The following BDP1 variants were observed in gnomAD, a reference collection of about 807,000 sequenced individuals.
BDP1 encodes BDP1 general transcription factor IIIB subunit, also known as transcription factor TFIIIB component B'' homolog.
In BDP1, 169 loss-of-function variants were observed where a neutral mutation model predicts 266.6. The observed-to-expected ratio is 0.63, with a 90% CI of 0.56 to 0.72. The LOEUF (loss-of-function observed/expected upper bound fraction) is 0.72, where lower values mean the gene tolerates loss of function less well. BDP1 is among the 30% of genes least tolerant of loss of function. BDP1 has a pLI of 0.00. For missense variants in BDP1, 3,015 were observed against 3,053.8 expected, an observed-to-expected ratio of 0.99 and a Z score of 0.30; for synonymous variants, 1,090 against 1,022.4, an observed-to-expected ratio of 1.07 and a Z score of -1.26.
At position 71,524,385 on chromosome 5, in the gene BDP1, T is replaced by C. The variant is rs114503830; in HGVS notation, c.5772+62T>C. On this transcript the variant is annotated intron_variant, in intron 25 of 38. Coordinates refer to ENST00000358731, the MANE Select transcript of BDP1 (RefSeq NM_018429.3). ...ACTTGGTTTTCACCTCTTGTTTCTT[T>C]TAGGGGATCATTATTTCTTCTCGTA... 2.0e-3 allele frequency: 2,902 copies of C among 1,437,516 alleles called. 40 individuals carry two copies. The African/African-American group carries it at 0.035, about 17-fold the overall frequency. The allele number at this position is 1,437,516 out of a possible 1,614,324, so 89.0% of individuals were successfully genotyped here. A position where few individuals can be genotyped will look rare whatever the true frequency, so the allele number is the denominator to read the frequency against.
At chr5:71,491,666 A>G (rs538087048) in intron 11 of BDP1, among the ~76,000 whole-genome samples, 1 of 151,872 alleles carries the variant, frequency 6.6e-6, no homozygotes, top group East Asian at 1.9e-4. Context: ...AGCAACTCCT[A>G]TTTCCTCCGC....
Position 71,513,414 on chromosome 5 carries a change from G to A in BDP1, c.4470+7G>A. On this transcript the variant is annotated splice_region_variant and intron_variant, in intron 19 of 38. Transcript: ENST00000358731. ...TACTCTCCCTTCTCAACATGTGAGT[G>A]TATTTGAGATGGAAGTTCTGTGTGG... 2 of 1,473,386 alleles carry A rather than the reference G, an allele frequency of 1.4e-6. No individual in the cohort carries two copies. The highest frequency in any genetic ancestry group is 1.8e-6 in the Non-Finnish European group (2 of 1,090,164). 91.3% of individuals were successfully genotyped at this position (1,473,386 alleles called of 1,614,324 possible).
chr5:71,533,431 C>T (rs1403310484), intron 26 of BDP1, among the ~76,000 whole-genome samples: 2 of 151,010 alleles, frequency 1.3e-5, no homozygotes, highest in Admixed American at 1.3e-4. Flanking sequence ...ATGTCCTTGC[C>T]GGCACTTGTT....
chr5:71,532,864 A>G (rs971652925), intron 26 of BDP1, among the ~76,000 whole-genome samples: 4 of 152,204 alleles, frequency 2.6e-5, no homozygotes, highest in Middle Eastern at 3.2e-3. Context: ...TCGTGCAAAC[A>G]TTATCACAGT....
intron 3 of BDP1, 140 bp downstream of exon 3, chr5:71,462,066 G>A: frequency 3.5e-6 from 2 of 575,194 alleles, no homozygotes; most frequent in Non-Finnish European, 6.3e-6. Flanking sequence ...AGGTTCAAGC[G>A]ATTCTCCTGC....
rs753422680 is a variant in BDP1, at chr5:71,495,422, A to G, written c.1799+14A>G. ...AAATAATTCACTGTAAGTATTTTAT[A>G]CGATAGGATTTATTTATAAAATTTT... On this transcript the variant is annotated intron_variant, in intron 12 of 38. Coordinates refer to ENST00000358731, the MANE Select transcript of BDP1 (RefSeq NM_018429.3). 2 of 1,527,132 alleles carry G rather than the reference A, an allele frequency of 1.3e-6. No homozygotes were observed. The highest frequency in any genetic ancestry group is 1.8e-6 in the Non-Finnish European group (2 of 1,123,546). 94.6% of individuals were successfully genotyped at this position (1,527,132 alleles called of 1,614,324 possible). A position where few individuals can be genotyped will look rare whatever the true frequency, so the allele number is the denominator to read the frequency against.
chr5:71,470,132 C>T (rs566096685), intron 6 of BDP1, among the ~76,000 whole-genome samples: 3 of 152,158 alleles, frequency 2.0e-5, no homozygotes, highest in South Asian at 2.1e-4. Context: ...TGAACCACCG[C>T]GACCGGCCCT....
intron 7 of BDP1, among the ~76,000 whole-genome samples, chr5:71,479,984 A>G (rs1762842534): frequency 6.7e-6 from 1 of 149,106 alleles, no homozygotes; most frequent in South Asian, 2.1e-4. Context: ...TCGCTATGTC[A>G]CCCAGTCTAG....
At position 71,467,376 on chromosome 5, in the gene BDP1, A is replaced by G. The variant is rs760846637; in HGVS notation, c.808A>G (p.Thr270Ala). 6.2e-7 allele frequency: 1 copy of G among 1,608,338 alleles called. No homozygotes were observed. The highest frequency in any genetic ancestry group is 1.3e-5 in the African/African-American group (1 of 74,758). Reference protein sequence around the residue: ...EESLTVEVLRTKGPCVVEEND... With the variant: ...EESLTVEVLRAKGPCVVEEND... ...CAGTTTAACTGTAGAAGTTTTAAGA[A>G]CAAAAGGCCCTTGTGTTGTTGAAGA... Residue 270 changes from threonine (T) to alanine (A), a missense_variant, in exon 6 of 39, where the codon ACA (threonine) becomes GCA (alanine). This residue lies in a region of BDP1 where 2,383 missense variants were observed against 2,404.9 expected (regional missense o/e 0.99). Coordinates refer to ENST00000358731, the MANE Select transcript of BDP1 (RefSeq NM_018429.3).
chr5:71,562,274 AC>A lies in BDP1; in HGVS notation c.7499del (p.Pro2500LeufsTer11). 1 of 1,591,066 alleles carries A rather than the reference AC, an allele frequency of 6.3e-7. No individual in the cohort carries two copies. Among genetic ancestry groups the A allele is most frequent in the Non-Finnish European group, 8.5e-7 (1 of 1,171,534 alleles). On this transcript the variant is annotated frameshift_variant and splice_region_variant, in exon 38 of 39. Transcript: ENST00000358731. LOFTEE classifies it high-confidence loss of function. ...TSSSKASLSR[P>X]GRRPLGFLSL... ...AATATCGTTACATTTGTATTTCTAG[AC>A]CTGGCAGAAGACCCCTGGGATTTTT...
chr5:71,568,550 C>G (rs1417282040), downstream of BDP1, among the ~76,000 whole-genome samples: 1 of 152,132 alleles, frequency 6.6e-6, no homozygotes, highest in African/African-American at 2.4e-5. Flanking sequence ...CTCACTGCAG[C>G]CTCGAACTTC....
chr5:71,491,099 T>G lies in BDP1; in HGVS notation c.1608T>G (p.Val536=). The G allele has an allele frequency of 6.2e-7, 1 of 1,614,100 alleles. No individual in the cohort carries two copies. The highest frequency in any genetic ancestry group is 8.5e-7 in the Non-Finnish European group (1 of 1,179,976). ...GIVGFASTEK[V]EKRTDPILSL... ...TGGGTTTTGCCTCCACTGAAAAAGT[T>G]GAGAAAAGAACTGACCCCATCCTTT... The change falls in exon 11 of 39, where the codon GTT becomes GTG. Residue 536 remains valine, a synonymous_variant. Coordinates refer to ENST00000358731, the MANE Select transcript of BDP1 (RefSeq NM_018429.3).
At chr5:71,547,194 G>C (rs1263142101) in intron 32 of BDP1, among the ~76,000 whole-genome samples, 1 of 151,504 alleles carries the variant, frequency 6.6e-6, no homozygotes, top group East Asian at 1.9e-4. Context: ...TCCAATCAGG[G>C]CTCTCACATT....
intron 15 of BDP1, among the ~76,000 whole-genome samples, chr5:71,503,233 C>T (rs1021945430): frequency 2.0e-5 from 3 of 152,148 alleles, no homozygotes; most frequent in South Asian, 2.1e-4. Context: ...GTGATCCACC[C>T]GCCTTGGCCT....
At chr5:71,527,404 C>G (rs1001600370) in intron 25 of BDP1, among the ~76,000 whole-genome samples, 5 of 152,158 alleles carry the variant, frequency 3.3e-5, no homozygotes, top group Non-Finnish European at 7.3e-5. Flanking sequence ...AACTGAAATT[C>G]TATACCCATT....
At chr5:71,528,785 G>A (rs763120555) in intron 25 of BDP1, among the ~76,000 whole-genome samples, 1 of 152,238 alleles carries the variant, frequency 6.6e-6, no homozygotes, top group Non-Finnish European at 1.5e-5. Context: ...GATAGTAAAT[G>A]TAAGCATTAT....
chr5:71,547,446 G>C (rs576861760), intron 32 of BDP1, among the ~76,000 whole-genome samples: 6 of 152,196 alleles, frequency 3.9e-5, no homozygotes, highest in African/African-American at 1.4e-4. Flanking sequence ...CATAATGTCA[G>C]TTTGTCCCAT....
chr5:71,482,382 T>G (rs1286267223), intron 7 of BDP1, among the ~76,000 whole-genome samples: 3 of 152,168 alleles, frequency 2.0e-5, no homozygotes, highest in African/African-American at 7.2e-5. Context: ...TCTCCGTGAT[T>G]GTAGTCTTGC....
At position 71,456,036 on chromosome 5, in the gene BDP1, G is replaced by T. The variant is rs371967351; in HGVS notation, c.159G>T (p.Val53=). ...SASKPAEPTD[V]PTVDFGGAEP... The stretch of plus-strand genomic sequence containing the variant: ...CCAAGCCCGCGGAGCCCACAGATGT[G>T]CCCACAGTCGATTTCGGTGGAGCGG... The change falls in exon 1 of 39, where the codon GTG becomes GTT. Residue 53 remains valine, a synonymous_variant. Transcript: ENST00000358731. 6.2e-7 allele frequency: 1 copy of T among 1,613,532 alleles called. No individual in the cohort carries two copies. Among genetic ancestry groups the T allele is most frequent in the South Asian group, 1.1e-5 (1 of 91,086 alleles).
Sources: allele counts gnomAD v4.1 joint callset (sites outside exome capture counted in the v4.1 genomes callset), GRCh38; gene constraint gnomAD v4.1.1; regional missense constraint gnomAD v4.1.1; transcripts MANE v1.5; gene names NCBI Gene and HGNC (gene_info 2026-07-23, HGNC 2026-07-21).